Variants in SIGLEC15 observed in about 807,000 individuals in gnomAD.
The protein encoded by SIGLEC15 is sialic acid-binding Ig-like lectin 15.
A neutral mutation model predicts 26.2 loss-of-function variants in SIGLEC15; 31 were observed. That is an observed-to-expected ratio of 1.18 (90% confidence interval 0.89 to 1.60). The LOEUF is 1.60. Among genes scored for constraint, SIGLEC15 ranks in the 40% most tolerant of loss-of-function variants. SIGLEC15 has a pLI of 0.00. For missense variants in SIGLEC15, 501 were observed against 488.4 expected, an observed-to-expected ratio of 1.03 and a Z score of -0.24; for synonymous variants, 207 against 221.9, an observed-to-expected ratio of 0.93 and a Z score of 0.60.
intron 5 of SIGLEC15, 112 bp from the exon 6 acceptor site, chr18:45,841,994 C>A: frequency 1.0e-6 from 1 of 989,482 alleles, no homozygotes; most frequent in Non-Finnish European, 1.6e-6. Flanking sequence ...CGGTTCCAGC[C>A]GCACTGCTCC....
intron 5 of SIGLEC15, among the ~76,000 whole-genome samples, chr18:45,841,779 A>C (rs974285673): frequency 2.6e-5 from 4 of 152,164 alleles, no homozygotes; most frequent in African/African-American, 9.7e-5. Context: ...ATTCCCACTG[A>C]GATGTCCTAG....
In SIGLEC15 at chr18:45,838,891, G is replaced by A; in HGVS notation, c.670G>A (p.Ala224Thr). The A allele has an allele frequency of 6.3e-7, 1 of 1,596,044 alleles. No homozygotes were observed. Among genetic ancestry groups the A allele is most frequent in the Non-Finnish European group, 8.5e-7 (1 of 1,175,354 alleles). The change falls in exon 4 of 6, where the codon GCC becomes ACC. Residue 224 changes from alanine to threonine, a missense_variant. By Grantham distance (58) the Ala-to-Thr change is moderately conservative. Transcript: ENST00000389474. ...TGAGGGTCACGGCCACCTAGTGACC[G>A]CCGAACTGCCCGCACTGACCCATGA... ...PREGHGHLVT[A>T]ELPALTHDGR...
At chr18:45,832,915 C>T (rs931093904) in intron 1 of SIGLEC15, among the ~76,000 whole-genome samples, 1 of 152,072 alleles carries the variant, frequency 6.6e-6, no homozygotes, top group Non-Finnish European at 1.5e-5. Context: ...TCTGTGTAAG[C>T]GGGAGTCCAA....
chr18:45,826,055 G>C (rs995659973), intron 1 of SIGLEC15, among the ~76,000 whole-genome samples: 2 of 152,168 alleles, frequency 1.3e-5, no homozygotes. Context: ...CCATTGCTGC[G>C]AGCATCCAGA....
chr18:45,830,878 G>A (rs557886357), intron 1 of SIGLEC15, among the ~76,000 whole-genome samples: 216 of 152,110 alleles, frequency 1.4e-3, no homozygotes, highest in African/African-American at 3.2e-3. Flanking sequence ...GATTACAGGC[G>A]TGAGCCACCG....
At position 45,839,030 on chromosome 18, in the gene SIGLEC15, C is replaced by T. The variant is rs757230565; in HGVS notation, c.809C>T (p.Ala270Val). The T allele has an allele frequency of 6.4e-7, 1 of 1,572,780 alleles. No homozygotes were observed. The highest frequency in any genetic ancestry group is 8.6e-7 in the Non-Finnish European group (1 of 1,167,804). ...TCGACGGTCGCCCTCCTGCTCGGCG[C>T]TCTCGGCTTCAAGGCGCTGCTGCTG... Reference protein sequence around the residue: ...GASTVALLLGALGFKALLLLG... With the variant: ...GASTVALLLGVLGFKALLLLG... The change falls in exon 4 of 6, where the codon GCT becomes GTT. Residue 270 changes from alanine to valine, a missense_variant. Coordinates refer to ENST00000389474, the MANE Select transcript of SIGLEC15 (RefSeq NM_213602.3).
At chr18:45,827,578 C>A (rs1181451596) in intron 1 of SIGLEC15, among the ~76,000 whole-genome samples, 1 of 152,212 alleles carries the variant, frequency 6.6e-6, no homozygotes, top group East Asian at 1.9e-4. Context: ...TTACTGGCTG[C>A]ATGGCCTTGG....
chr18:45,827,379 C>T (rs1406504604), intron 1 of SIGLEC15, among the ~76,000 whole-genome samples: 1 of 152,200 alleles, frequency 6.6e-6, no homozygotes, highest in Non-Finnish European at 1.5e-5. Context: ...GCCATGGACC[C>T]TTGGTAGGCA....
chr18:45,825,831 G>A, intron 1 of SIGLEC15, 51 bp downstream of exon 1: 1 of 1,594,180 alleles, frequency 6.3e-7, no homozygotes, highest in Non-Finnish European at 8.6e-7. Flanking sequence ...AATAGATGCT[G>A]AAAGCATCTT....
chr18:45,831,325 T>C (rs1461950800), intron 1 of SIGLEC15, among the ~76,000 whole-genome samples: 1 of 152,234 alleles, frequency 6.6e-6, no homozygotes, highest in East Asian at 1.9e-4. Flanking sequence ...CTTTCCACTA[T>C]TTTTTACTAA....
chr18:45,830,762 T>C (rs1211078426), intron 1 of SIGLEC15, among the ~76,000 whole-genome samples: 4 of 147,706 alleles, frequency 2.7e-5, no homozygotes. Context: ...ATTTTTTTTT[T>C]TTTTTTTTTG....
rs369257996 is a variant in SIGLEC15 at position 45,830,276 on chromosome 18, G to T, written c.52+4496G>T. ...AGCTTCTGCTGGTGTAGGCTCCCCA[G>T]CTCTGTTTCTGTCTCCCTGGAGCTC... On this transcript the variant is annotated intron_variant, in intron 1 of 5. Coordinates refer to ENST00000389474, the MANE Select transcript of SIGLEC15 (RefSeq NM_213602.3). Among the ~76,000 whole-genome samples the T allele has an allele frequency of 6.6e-5, 10 of 152,344 alleles. No individual in the cohort carries two copies. In the South Asian group the frequency reaches 2.1e-3, roughly 32 times the overall value.
intron 1 of SIGLEC15, chr18:45,829,018 C>A (rs887497510): frequency 4.1e-5 from 36 of 875,106 alleles, no homozygotes; most frequent in Non-Finnish European, 4.8e-5. Flanking sequence ...CTATCTGGGG[C>A]GGGAAGGGGA....
intron 3 of SIGLEC15, chr18:45,838,501 G>A (rs1440758152): frequency 4.6e-6 from 3 of 656,856 alleles, no homozygotes; most frequent in Non-Finnish European, 7.2e-6. Context: ...ACCTCTTAAG[G>A]CAACTGCTAT....
At chr18:45,827,048 G>A (rs913698300) in intron 1 of SIGLEC15, among the ~76,000 whole-genome samples, 5 of 152,152 alleles carry the variant, frequency 3.3e-5, no homozygotes, top group Non-Finnish European at 5.9e-5. Context: ...CCAAGTAGCT[G>A]GGATTACAAG....
At position 45,838,766 on chromosome 18, in the gene SIGLEC15, C is replaced by A. The variant is rs774975180; in HGVS notation, c.545C>A (p.Ala182Asp). Residue 182 changes from alanine to aspartate, a missense_variant, in exon 4 of 6, where the codon GCC becomes GAC. Physicochemically the swap from Ala to Asp is moderately radical, Grantham distance 126 (BLOSUM62 -2). Coordinates refer to ENST00000389474, the MANE Select transcript of SIGLEC15 (RefSeq NM_213602.3). Reference sequence around the variant, plus strand: ...TCGGTGCTGCCCAGTCCGGCTCACGCCTTCCGCGCGCTCTGCACTGCCGAA... The same window carrying A: ...TCGGTGCTGCCCAGTCCGGCTCACGACTTCCGCGCGCTCTGCACTGCCGAA... ...NISVLPSPAH[A>D]FRALCTAEGE... 1.3e-5 allele frequency: 21 copies of A among 1,577,120 alleles called. No individual in the cohort carries two copies. The South Asian group carries it at 2.3e-4, about 17-fold the overall frequency.
Position 45,842,332 on chromosome 18 carries a change from C to A in SIGLEC15, c.*145C>A. 2.6e-6 allele frequency: 2 copies of A among 767,390 alleles called. No individual in the cohort carries two copies. The highest frequency in any genetic ancestry group is 4.3e-6 in the Non-Finnish European group (2 of 466,416). 47.5% of individuals were successfully genotyped at this position (767,390 alleles called of 1,614,324 possible). A position where few individuals can be genotyped will look rare whatever the true frequency, so the allele number is the denominator to read the frequency against. ...TCCTCCCCTGCTCAAGGTCAAGACC[C>A]TGCTCAAGGAGGCTCATCTGGCCTC... On this transcript the variant is annotated 3_prime_UTR_variant, in exon 6 of 6. Coordinates refer to ENST00000389474, the MANE Select transcript of SIGLEC15 (RefSeq NM_213602.3).
In SIGLEC15 at chr18:45,839,075, G is replaced by C; in HGVS notation, c.854G>C (p.Arg285Pro). 6.9e-7 allele frequency: 1 copy of C among 1,441,248 alleles called. No homozygotes were observed. Among genetic ancestry groups the C allele is most frequent in the Non-Finnish European group, 9.0e-7 (1 of 1,108,652 alleles). 89.3% of individuals were successfully genotyped at this position (1,441,248 alleles called of 1,614,324 possible). A position where few individuals can be genotyped will look rare whatever the true frequency, so the allele number is the denominator to read the frequency against. Residue 285 changes from arginine to proline, a missense_variant, in exon 4 of 6, where the codon CGC becomes CCC. Physicochemically the swap from Arg to Pro is moderately radical, Grantham distance 103. Coordinates refer to ENST00000389474, the MANE Select transcript of SIGLEC15 (RefSeq NM_213602.3). ...ALLLLGVLAA[R>P]AARRRPEHLD... Reference sequence around the variant, plus strand: ...CTGCTGCTCGGGGTCCTGGCCGCCCGCGCTGCCCGCCGCCGCCCAGGTGGG... The same window carrying C: ...CTGCTGCTCGGGGTCCTGGCCGCCCCCGCTGCCCGCCGCCGCCCAGGTGGG...
chr18:45,839,546 A>G (rs2048307729), intron 4 of SIGLEC15, among the ~76,000 whole-genome samples: 1 of 152,122 alleles, frequency 6.6e-6, no homozygotes, highest in Non-Finnish European at 1.5e-5. Context: ...CGGTAGACAG[A>G]TCATTGCAAT....
Sources: allele counts gnomAD v4.1 joint callset (sites outside exome capture counted in the v4.1 genomes callset), GRCh38; gene constraint gnomAD v4.1.1; transcripts MANE v1.5; gene names NCBI Gene and HGNC (gene_info 2026-07-23, HGNC 2026-07-21).